ZZZ3: variants seen among roughly 807,000 people sequenced by gnomAD.
ZZZ3 encodes the protein ZZ-type zinc finger-containing protein 3.
A neutral mutation model predicts 95.2 loss-of-function variants in ZZZ3; 22 were observed. The observed-to-expected ratio is 0.23, with a 90% CI of 0.17 to 0.33. ZZZ3 has a LOEUF of 0.33. ZZZ3 is among the 10% of genes least tolerant of loss of function. ZZZ3 has a pLI of 1.00. For synonymous variants in ZZZ3, 335 were observed against 358.9 expected (o/e 0.93, Z 0.75); for missense variants, 885 against 1,066.5 (o/e 0.83, Z 2.37).
chr1:77,612,554 C>T (rs1415302991), intron 5 of ZZZ3, among the ~76,000 whole-genome samples: 1 of 151,954 alleles, frequency 6.6e-6, no homozygotes, highest in African/African-American at 2.4e-5. Context: ...CATTGACAGA[C>T]AACGGACAAA....
intron 11 of ZZZ3, among the ~76,000 whole-genome samples, chr1:77,578,319 G>A (rs780811438): frequency 2.6e-5 from 4 of 151,844 alleles, no homozygotes; most frequent in Admixed American, 1.3e-4. Flanking sequence ...AGTGTTCCTC[G>A]TGCCTCAGCC....
At chr1:77,651,630 T>C (rs772747218) in intron 1 of ZZZ3, among the ~76,000 whole-genome samples, 2 of 152,144 alleles carry the variant, frequency 1.3e-5, no homozygotes, top group African/African-American at 2.4e-5. Flanking sequence ...GTTACAGTTA[T>C]GCAAAATGAA....
intron 6 of ZZZ3, among the ~76,000 whole-genome samples, chr1:77,583,082 G>A (rs933176474): frequency 6.6e-6 from 1 of 151,980 alleles, no homozygotes; most frequent in Non-Finnish European, 1.5e-5. Flanking sequence ...ACTCCAGCCT[G>A]GGTGACCTAG....
intron 1 of ZZZ3, among the ~76,000 whole-genome samples, chr1:77,649,700 T>G (rs1021053824): frequency 6.6e-6 from 1 of 151,980 alleles, no homozygotes; most frequent in Non-Finnish European, 1.5e-5. Context: ...CTGACCAACA[T>G]GGAGAAACCC....
rs77324547 is a variant in ZZZ3, at chr1:77,679,612, T to C, written c.-403+2973A>G. ...AAGGTAACTTAAAGTTACAGGTCTG[T>C]GGAAATTGGCATGGTGTCAGACCTT... is the stretch of plus-strand genomic sequence containing the variant. On this transcript the variant is annotated intron_variant, in intron 1 of 14. Coordinates refer to ENST00000370801, the MANE Select transcript of ZZZ3 (RefSeq NM_015534.6). 3.5e-3 allele frequency among the ~76,000 whole-genome samples: 537 copies of C among 152,298 alleles called. 3 individuals are homozygous for C. Among genetic ancestry groups the C allele is most frequent in the African/African-American group, 0.012 (512 of 41,560 alleles).
intron 1 of ZZZ3, among the ~76,000 whole-genome samples, chr1:77,653,086 T>C (rs993532406): frequency 3.9e-5 from 6 of 151,952 alleles, no homozygotes; most frequent in South Asian, 2.1e-4. Context: ...ACTCAGAAGA[T>C]TGAGGCAAGA....
chr1:77,631,082 A>G (rs1413155855), intron 5 of ZZZ3, among the ~76,000 whole-genome samples: 1 of 152,200 alleles, frequency 6.6e-6, no homozygotes, highest in African/African-American at 2.4e-5. Flanking sequence ...GTAAGCTCCA[A>G]ATCTTTTGTG....
intron 5 of ZZZ3, among the ~76,000 whole-genome samples, chr1:77,601,542 G>A (rs1480569543): frequency 2.0e-5 from 3 of 152,028 alleles, no homozygotes; most frequent in Admixed American, 6.6e-5. Context: ...TAGGAACAGG[G>A]CCAATAGAAA....
chr1:77,619,720 C>A (rs951875039), intron 5 of ZZZ3, among the ~76,000 whole-genome samples: 69 of 152,194 alleles, frequency 4.5e-4, no homozygotes, highest in African/African-American at 1.6e-3. Flanking sequence ...AGGTAACAAA[C>A]TCGGACAACT....
At chr1:77,629,660 T>A (rs1667619816) in intron 5 of ZZZ3, among the ~76,000 whole-genome samples, 1 of 152,028 alleles carries the variant, frequency 6.6e-6, no homozygotes, top group Admixed American at 6.6e-5. Context: ...AAAAGTGCTA[T>A]CCTTCAAAAG....
At chr1:77,626,203 A>G (rs968655234) in intron 5 of ZZZ3, among the ~76,000 whole-genome samples, 1 of 152,200 alleles carries the variant, frequency 6.6e-6, no homozygotes, top group African/African-American at 2.4e-5. Flanking sequence ...ATTTTAGAGC[A>G]GCAGTCCCCA....
intron 1 of ZZZ3, among the ~76,000 whole-genome samples, chr1:77,670,403 G>A (rs1671654916): frequency 6.6e-6 from 1 of 152,046 alleles, no homozygotes; most frequent in Non-Finnish European, 1.5e-5. Flanking sequence ...TGGGACTACA[G>A]GCACACTCCA....
chr1:77,681,653 A>G (rs1672764221), intron 1 of ZZZ3, among the ~76,000 whole-genome samples: 1 of 152,138 alleles, frequency 6.6e-6, no homozygotes, highest in East Asian at 1.9e-4. Context: ...GCACTTTGAG[A>G]GGCCAAGGCA....
intron 1 of ZZZ3, chr1:77,645,642 G>A (rs1208022061): frequency 1.3e-5 from 2 of 152,072 alleles, no homozygotes; most frequent in East Asian, 1.9e-4. Flanking sequence ...AGAAGAAAAT[G>A]AAATAAAATA....
At chr1:77,639,709 A>G (rs553779210) in intron 3 of ZZZ3, 107 bp from the exon 4 acceptor site, 1 of 339,150 alleles carries the variant, frequency 2.9e-6, no homozygotes, top group African/African-American at 2.1e-5. Flanking sequence ...GAAACTGTTC[A>G]TAGTGACATC....
chr1:77,645,970 CAA>C (rs373733260), intron 1 of ZZZ3, among the ~76,000 whole-genome samples: 22 of 57,806 alleles, frequency 3.8e-4, no homozygotes, highest in Middle Eastern at 0.012. Context: ...GACTCCATCT[CAA>C]AAAAAAAAAA....
rs1333722221 is a variant in ZZZ3 at position 77,652,527 on chromosome 1, T to C, written c.-402-10872A>G. 2.0e-5 allele frequency among the ~76,000 whole-genome samples: 3 copies of C among 152,160 alleles called. No individual in the cohort carries two copies. In the East Asian group the frequency reaches 5.8e-4, roughly 29 times the overall value. ...AAAATGGTGCAGCTGCTTTGGAAAA[T>C]AGTTTGGCAGTTCCTCAACAAGTTA... On this transcript the variant is annotated intron_variant, in intron 1 of 14. Coordinates refer to ENST00000370801, the MANE Select transcript of ZZZ3 (RefSeq NM_015534.6).
intron 12 of ZZZ3, among the ~76,000 whole-genome samples, chr1:77,570,814 A>G (rs915272796): frequency 1.4e-5 from 2 of 145,922 alleles, no homozygotes; most frequent in Admixed American, 1.4e-4. Context: ...GGCGCACACC[A>G]CCAAGCCTGG....
chr1:77,629,861 T>G (rs1667636709), intron 5 of ZZZ3, among the ~76,000 whole-genome samples: 1 of 152,260 alleles, frequency 6.6e-6, no homozygotes, highest in Non-Finnish European at 1.5e-5. Flanking sequence ...AAAGCACCAA[T>G]TAAGCTGTAT....
Sources: gnomAD v4.1 joint callset for allele counts (sites outside exome capture counted in the v4.1 genomes callset) on GRCh38, gnomAD v4.1.1 for gene constraint, MANE v1.5 for transcripts, NCBI Gene and HGNC (gene_info 2026-07-23, HGNC 2026-07-21) for gene names.